Variants in CTNNA3 observed in about 807,000 individuals in gnomAD.
CTNNA3 encodes catenin alpha-3.
A neutral mutation model predicts 95.7 loss-of-function variants in CTNNA3; 76 were observed. The ratio of observed to expected loss-of-function variants is 0.79; its 90% CI spans 0.66 to 0.96. The LOEUF is 0.96. Ranked by LOEUF, CTNNA3 falls within the 40% of genes least tolerant of loss-of-function variation. The pLI, the probability that CTNNA3 is intolerant of heterozygous loss-of-function variation, is 0.00. For missense variants in CTNNA3, 1,191 were observed against 1,089.8 expected (o/e 1.09, Z -1.31); for synonymous variants, 431 against 374.4 (o/e 1.15, Z -1.74).
intron 7 of CTNNA3, among the ~76,000 whole-genome samples, chr10:67,152,556 TATC>T (rs1326391457): frequency 1.3e-5 from 2 of 152,186 alleles, no homozygotes; most frequent in Non-Finnish European, 2.9e-5. Context: ...TTCTAAAGCT[TATC>T]ATAAAACTTA....
intron 12 of CTNNA3, among the ~76,000 whole-genome samples, chr10:66,313,512 A>C (rs1205546644): frequency 1.3e-5 from 2 of 152,162 alleles, no homozygotes; most frequent in African/African-American, 4.8e-5. Context: ...CTCTGCCTAG[A>C]GTTCTCTTCT....
intron 7 of CTNNA3, among the ~76,000 whole-genome samples, chr10:67,143,706 C>T (rs1348197475): frequency 6.6e-6 from 1 of 152,094 alleles, no homozygotes; most frequent in African/African-American, 2.4e-5. Context: ...CAATTTGGTC[C>T]CATCTTCAGG....
chr10:67,150,795 G>A (rs1369151301), intron 7 of CTNNA3, among the ~76,000 whole-genome samples: 2 of 152,160 alleles, frequency 1.3e-5, no homozygotes, highest in African/African-American at 4.8e-5. Context: ...GAGATGTAAG[G>A]AGGCCAACAA....
At chr10:66,131,783 CA>C (rs1420496496) in intron 13 of CTNNA3, among the ~76,000 whole-genome samples, 1 of 152,048 alleles carries the variant, frequency 6.6e-6, no homozygotes, top group East Asian at 1.9e-4. Flanking sequence ...ACAAAGTTGA[CA>C]AAAACAAGCA....
chr10:67,324,410 C>A (rs1428043242), intron 5 of CTNNA3, among the ~76,000 whole-genome samples: 1 of 152,054 alleles, frequency 6.6e-6, no homozygotes, highest in Non-Finnish European at 1.5e-5. Context: ...AAGGTATGTT[C>A]CTTCAATACC....
chr10:66,670,522 C>A (rs918242452), intron 9 of CTNNA3, among the ~76,000 whole-genome samples: 1 of 152,012 alleles, frequency 6.6e-6, no homozygotes, highest in Non-Finnish European at 1.5e-5. Flanking sequence ...AGGCTGTGTC[C>A]TTCTCACATT....
At chr10:66,408,682 A>T (rs2093076462) in intron 11 of CTNNA3, among the ~76,000 whole-genome samples, 1 of 152,174 alleles carries the variant, frequency 6.6e-6, no homozygotes, top group South Asian at 2.1e-4. Flanking sequence ...CTCTTTAGTG[A>T]ATATAGCCTT....
At chr10:66,717,396 T>C (rs921173005) in intron 9 of CTNNA3, among the ~76,000 whole-genome samples, 1 of 152,188 alleles carries the variant, frequency 6.6e-6, no homozygotes, top group African/African-American at 2.4e-5. Flanking sequence ...CCACGGTTTC[T>C]AGAATTTATG....
At chr10:67,194,593 G>A (rs1863264498) in intron 6 of CTNNA3, among the ~76,000 whole-genome samples, 1 of 151,892 alleles carries the variant, frequency 6.6e-6, no homozygotes, top group Admixed American at 6.6e-5. Flanking sequence ...AGAGAACAGA[G>A]GATTTTTAAA....
At chr10:65,921,225 C>A (rs1327173367) in intron 17 of CTNNA3, among the ~76,000 whole-genome samples, 1 of 152,132 alleles carries the variant, frequency 6.6e-6, no homozygotes, top group Non-Finnish European at 1.5e-5. Context: ...TGGAGTTTAG[C>A]AACAATAAAA....
intron 9 of CTNNA3, among the ~76,000 whole-genome samples, chr10:66,757,307 A>G (rs889124687): frequency 2.0e-5 from 3 of 152,156 alleles, no homozygotes; most frequent in Non-Finnish European, 2.9e-5. Context: ...ATTAGGAAGA[A>G]TATTCATAAC....
chr10:66,435,116 T>C (rs2093327564), intron 11 of CTNNA3, among the ~76,000 whole-genome samples: 1 of 152,120 alleles, frequency 6.6e-6, no homozygotes, highest in South Asian at 2.1e-4. Context: ...CTTTTTTTTG[T>C]TGTGTTTCTG....
At chr10:66,290,837 G>A (rs2091669468) in intron 12 of CTNNA3, among the ~76,000 whole-genome samples, 1 of 152,158 alleles carries the variant, frequency 6.6e-6, no homozygotes, top group Non-Finnish European at 1.5e-5. Context: ...GTTACTTCTT[G>A]TAGGATGGTC....
At chr10:66,179,439 A>G (rs1304141122) in intron 13 of CTNNA3, among the ~76,000 whole-genome samples, 1 of 152,012 alleles carries the variant, frequency 6.6e-6, no homozygotes, top group South Asian at 2.1e-4. Flanking sequence ...GGTGATGAAA[A>G]TCGCCTGTAT....
At chr10:65,980,737 A>C (rs2078303655) in intron 16 of CTNNA3, among the ~76,000 whole-genome samples, 1 of 152,018 alleles carries the variant, frequency 6.6e-6, no homozygotes, top group African/African-American at 2.4e-5. Context: ...AAATTTTAAA[A>C]ATATTACATG....
intron 7 of CTNNA3, among the ~76,000 whole-genome samples, chr10:67,139,299 ATTTTTTT>A (rs60290459): frequency 4.2e-5 from 5 of 117,902 alleles, no homozygotes; most frequent in African/African-American, 6.7e-5. Flanking sequence ...CGCCCGGCTA[ATTTTTTT>A]TTTTTTTTTT....
intron 11 of CTNNA3, among the ~76,000 whole-genome samples, chr10:66,426,499 AT>A (rs1458302481): frequency 1.3e-5 from 2 of 151,878 alleles, no homozygotes; most frequent in Non-Finnish European, 2.9e-5. Context: ...AAATGTCTCT[AT>A]TTTGCTTTCA....
chr10:66,245,232 G>C (rs1040614512), intron 13 of CTNNA3, among the ~76,000 whole-genome samples: 1 of 152,154 alleles, frequency 6.6e-6, no homozygotes, highest in African/African-American at 2.4e-5. Flanking sequence ...AGTTGAACCA[G>C]GCACACTGCA....
intron 16 of CTNNA3, among the ~76,000 whole-genome samples, chr10:65,985,548 A>G (rs2078410212): frequency 6.6e-6 from 1 of 151,432 alleles, no homozygotes; most frequent in Non-Finnish European, 1.5e-5. Context: ...TATCTTTAGT[A>G]TTATCTTTAG....
Sources: allele counts gnomAD v4.1 joint callset (sites outside exome capture counted in the v4.1 genomes callset), GRCh38; gene constraint gnomAD v4.1.1; transcripts MANE v1.5; gene names NCBI Gene and HGNC (gene_info 2026-07-23, HGNC 2026-07-21).